ZNF292: variants seen among roughly 807,000 people sequenced by gnomAD.
ZNF292 encodes the protein 16 zinc-finger domain protein.
Under a neutral mutation model 217.9 loss-of-function variants are expected in ZNF292, and 26 were observed. The ratio of observed to expected loss-of-function variants is 0.12; its 90% CI spans 0.09 to 0.17. The LOEUF (loss-of-function observed/expected upper bound fraction) is 0.17, where lower values mean the gene tolerates loss of function less well. Among genes scored for constraint, ZNF292 ranks in the 10% least tolerant of loss-of-function variants. The probability of loss-of-function intolerance (pLI) is 1.00; values close to 1 mark genes in which losing one functional copy is unlikely to be tolerated. For synonymous variants in ZNF292, 1,257 were observed against 1,124.1 expected (o/e 1.12, Z -2.37); for missense variants, 2,904 against 3,175.2 (o/e 0.91, Z 2.05).
intron 3 of ZNF292, among the ~76,000 whole-genome samples, chr6:87,217,271 A>ACAGGCCCTTGAAGGTGGAAT (rs1772835322): frequency 6.6e-6 from 1 of 152,058 alleles, no homozygotes; most frequent in Non-Finnish European, 1.5e-5. Context: ...AAACATTAAA[A>ACAGGCCCTTGAAGGTGGAAT]TCTACATCAA....
intron 1 of ZNF292, among the ~76,000 whole-genome samples, chr6:87,187,308 A>C (rs571493395): frequency 3.0e-4 from 45 of 152,172 alleles, no homozygotes; most frequent in African/African-American, 1.1e-3. Context: ...TGTACTCATG[A>C]TAAATATCAG....
chr6:87,174,128 G>A (rs1321407467), intron 1 of ZNF292: 1 of 156,646 alleles, frequency 6.4e-6, no homozygotes, highest in East Asian at 1.9e-4. Flanking sequence ...TCTCTGCAAT[G>A]CCAGTGTATT....
chr6:87,209,603 T>TA (rs1772396842), intron 1 of ZNF292, among the ~76,000 whole-genome samples: 1 of 152,202 alleles, frequency 6.6e-6, no homozygotes, highest in Admixed American at 6.5e-5. Context: ...GCAAATTAAG[T>TA]GCATAAACTG....
intron 1 of ZNF292, among the ~76,000 whole-genome samples, chr6:87,203,517 A>G (rs934567235): frequency 1.3e-5 from 2 of 151,968 alleles, no homozygotes; most frequent in African/African-American, 2.4e-5. Flanking sequence ...TAAAATGTAT[A>G]TTGCAACCGT....
chr6:87,239,473 T>C (rs1774107344), intron 5 of ZNF292, among the ~76,000 whole-genome samples: 1 of 149,334 alleles, frequency 6.7e-6, no homozygotes, highest in Admixed American at 6.6e-5. Context: ...ATGGGGCGGC[T>C]GGCCGGGCGG....
rs1443173623 is a variant in ZNF292, at chr6:87,226,659, AGAT to A, written c.539-6665_539-6663del. On this transcript the variant is annotated intron_variant, in intron 4 of 7. Coordinates refer to ENST00000369577, the MANE Select transcript of ZNF292 (RefSeq NM_015021.3). ...TATATCTATATATCTATATATATATAGATATATAGATATATAGATATATAGATT... is the reference window on the plus strand; with the variant it reads ...TATATCTATATATCTATATATATATAATATAGATATATAGATATATAGATT... Among the ~76,000 whole-genome samples the A allele has an allele frequency of 4.4e-4, 43 of 98,410 alleles. No homozygotes were observed. In the South Asian group the frequency reaches 0.011, roughly 24 times the overall value. The allele number at this position is 98,410 out of a possible 152,430, so 64.6% of individuals were successfully genotyped here.
intron 1 of ZNF292, among the ~76,000 whole-genome samples, chr6:87,159,060 A>G (rs1329050931): frequency 6.6e-6 from 1 of 152,246 alleles, no homozygotes; most frequent in East Asian, 1.9e-4. Context: ...TTTATGAGCA[A>G]AAGTTCAGTT....
intron 1 of ZNF292, among the ~76,000 whole-genome samples, chr6:87,164,187 G>T (rs559143287): frequency 6.6e-6 from 1 of 152,104 alleles, no homozygotes; most frequent in African/African-American, 2.4e-5. Context: ...GTTTTCTGGG[G>T]CTGAATAGTC....
chr6:87,206,868 A>G (rs989514024), intron 1 of ZNF292, among the ~76,000 whole-genome samples: 1 of 152,200 alleles, frequency 6.6e-6, no homozygotes. Flanking sequence ...TTTTATACCT[A>G]TTAAGTAGTT....
chr6:87,165,501 AC>A (rs1166453217), intron 1 of ZNF292, among the ~76,000 whole-genome samples: 1 of 152,044 alleles, frequency 6.6e-6, no homozygotes, highest in Non-Finnish European at 1.5e-5. Flanking sequence ...TGACCACAAA[AC>A]CATACTTATC....
chr6:87,242,487 T>G (rs560146157), intron 5 of ZNF292, among the ~76,000 whole-genome samples: 2 of 152,290 alleles, frequency 1.3e-5, no homozygotes, highest in African/African-American at 4.8e-5. Flanking sequence ...CTAAACACAT[T>G]ACATTTTACA....
In ZNF292 at chr6:87,259,316, A is replaced by G; in HGVS notation, c.5687A>G (p.Asp1896Gly). Residue 1896 changes from aspartate to glycine, a missense_variant, in exon 8 of 8, where the codon GAC (aspartate) becomes GGC (glycine). By Grantham distance (94) the Asp-to-Gly change is moderately conservative. Coordinates refer to ENST00000369577, the MANE Select transcript of ZNF292 (RefSeq NM_015021.3). ...GAAATGATAAACATTCAATTTAATGACAAAGTTAATAAACCCTTTGTGTGT... is the reference window on the plus strand; with the variant it reads ...GAAATGATAAACATTCAATTTAATGGCAAAGTTAATAAACCCTTTGTGTGT... ...VSEMINIQFN[D>G]KVNKPFVCQN... 6.2e-7 allele frequency: 1 copy of G among 1,613,578 alleles called. No individual in the cohort carries two copies. Among genetic ancestry groups the G allele is most frequent in the Non-Finnish European group, 8.5e-7 (1 of 1,179,656 alleles).
chr6:87,257,626 A>T lies in ZNF292; in HGVS notation c.3997A>T (p.Thr1333Ser). Residue 1333 changes from threonine to serine, a missense_variant, in exon 8 of 8, where the codon ACC (threonine) becomes TCC (serine). Physicochemically the swap from Thr to Ser is moderately conservative, Grantham distance 58 (BLOSUM62 1). Coordinates refer to ENST00000369577, the MANE Select transcript of ZNF292 (RefSeq NM_015021.3). Reference protein sequence around the residue: ...QVNVANNFSSTNAQQSAPEKV... With the variant: ...QVNVANNFSSSNAQQSAPEKV... ...GAATGTTGCAAATAACTTCAGTAGC[A>T]CCAATGCCCAACAGTCTGCACCTGA... 2 of 1,608,346 alleles carry T rather than the reference A, an allele frequency of 1.2e-6. No homozygotes were observed. Among genetic ancestry groups the T allele is most frequent in the Non-Finnish European group, 8.5e-7 (1 of 1,177,064 alleles).
chr6:87,167,950 CTT>C (rs1770970664), intron 1 of ZNF292, among the ~76,000 whole-genome samples: 1 of 152,188 alleles, frequency 6.6e-6, no homozygotes, highest in Non-Finnish European at 1.5e-5. Flanking sequence ...TCTGCATTGT[CTT>C]TGGTTGAAGG....
At chr6:87,244,640 A>G (rs917204686) in intron 6 of ZNF292, among the ~76,000 whole-genome samples, 1 of 152,178 alleles carries the variant, frequency 6.6e-6, no homozygotes, top group African/African-American at 2.4e-5. Context: ...CAGAGTTCAG[A>G]CAGAAAATCA....
chr6:87,169,690 A>G, intron 1 of ZNF292: 1 of 441,238 alleles, frequency 2.3e-6, no homozygotes, highest in Non-Finnish European at 4.6e-6. Flanking sequence ...ACTGTCACCC[A>G]GGCTGGAATG....
chr6:87,250,170 G>A (rs2127848644), intron 7 of ZNF292, among the ~76,000 whole-genome samples: 1 of 152,110 alleles, frequency 6.6e-6, no homozygotes, highest in East Asian at 1.9e-4. Flanking sequence ...AATATTCAGG[G>A]GCCAGGTGTG....
At chr6:87,160,261 C>T (rs1381763798) in intron 1 of ZNF292, among the ~76,000 whole-genome samples, 1 of 152,126 alleles carries the variant, frequency 6.6e-6, no homozygotes, top group East Asian at 1.9e-4. Flanking sequence ...AGGAGTTGTT[C>T]TAAAGAGATT....
rs368720934 is a variant in ZNF292, at chr6:87,261,288, A to C, written c.7659A>C (p.Ala2553=). The C allele has an allele frequency of 6.2e-7, 1 of 1,613,142 alleles. No individual in the cohort carries two copies. Among genetic ancestry groups the C allele is most frequent in the African/African-American group, 1.3e-5 (1 of 74,892 alleles). The change falls in exon 8 of 8, where the codon GCA becomes GCC. Residue 2553 remains alanine (A), a synonymous_variant. Coordinates refer to ENST00000369577, the MANE Select transcript of ZNF292 (RefSeq NM_015021.3). The part of the protein sequence containing the change: ...KKRKVEKAEP[A]SAAELSSVRK... ...GGAAAGTTGAAAAAGCTGAACCAGC[A>C]TCAGCAGCTGAGTTAAGTAGCGTGC...
Sources: gnomAD v4.1 joint callset for allele counts (sites outside exome capture counted in the v4.1 genomes callset) on GRCh38, gnomAD v4.1.1 for gene constraint, MANE v1.5 for transcripts, NCBI Gene and HGNC (gene_info 2026-07-23, HGNC 2026-07-21) for gene names.